The following FBXO16 variants were observed in gnomAD, a reference collection of about 807,000 sequenced individuals.
The protein encoded by FBXO16 is F-box only protein 16.
Under a neutral mutation model 41.0 loss-of-function variants are expected in FBXO16, and 31 were observed. The observed-to-expected ratio is 0.76, with a 90% CI of 0.57 to 1.02. FBXO16 has a LOEUF of 1.02. Ranked by LOEUF, FBXO16 falls within the 50% of genes least tolerant of loss-of-function variation. FBXO16 has a pLI of 0.00. For synonymous variants in FBXO16, 133 were observed against 117.8 expected, an observed-to-expected ratio of 1.13 and a Z score of -0.84; for missense variants, 361 against 346.2, an observed-to-expected ratio of 1.04 and a Z score of -0.34.
At chr8:28,472,548 C>G (rs1157115591) in intron 3 of FBXO16, among the ~76,000 whole-genome samples, 1 of 152,108 alleles carries the variant, frequency 6.6e-6, no homozygotes, top group African/African-American at 2.4e-5. Flanking sequence ...CAAGACCAGC[C>G]TGGCCAACAT....
intron 6 of FBXO16, among the ~76,000 whole-genome samples, chr8:28,451,749 G>C (rs948418758): frequency 3.3e-5 from 5 of 151,960 alleles, no homozygotes; most frequent in African/African-American, 1.2e-4. Flanking sequence ...TTAGGAGGCC[G>C]AGGCATGTGG....
At chr8:28,478,444 C>T (rs977627649) in intron 2 of FBXO16, among the ~76,000 whole-genome samples, 2 of 152,228 alleles carry the variant, frequency 1.3e-5, no homozygotes, top group South Asian at 4.1e-4. Flanking sequence ...AGTATAAAAA[C>T]CAGACCCTCT....
At chr8:28,446,481 C>A (rs910984585) in intron 7 of FBXO16, among the ~76,000 whole-genome samples, 21 of 151,604 alleles carry the variant, frequency 1.4e-4, no homozygotes, top group Non-Finnish European at 2.9e-4. Context: ...CCTAAATGCA[C>A]TTAGATGAGG....
At chr8:28,489,525 CA>C (rs3049787) in intron 1 of FBXO16, among the ~76,000 whole-genome samples, 4,077 of 128,082 alleles carry the variant, frequency 0.032, 127 homozygotes, top group East Asian at 0.15. Flanking sequence ...CCTATCTCTA[CA>C]AAAAAAAAAA....
At chr8:28,451,810 CCT>C (rs1802958052) in intron 6 of FBXO16, among the ~76,000 whole-genome samples, 1 of 151,902 alleles carries the variant, frequency 6.6e-6, no homozygotes, top group Admixed American at 6.6e-5. Context: ...TGGTGAAACC[CCT>C]GTCTCTACTA....
chr8:28,451,909 G>A (rs1386861039), intron 6 of FBXO16, among the ~76,000 whole-genome samples: 1 of 151,566 alleles, frequency 6.6e-6, no homozygotes, highest in Non-Finnish European at 1.5e-5. Context: ...GCTTGAACCC[G>A]GGAGGTGGAG....
rs569566684 is a variant in FBXO16 at position 28,460,415 on chromosome 8, C to T, written c.342+3197G>A. ...TGGGACTCTAGGCACATGCGCTATA[C>T]CTGGCTAATTTTTTTTTTTTTTTTT... On this transcript the variant is annotated intron_variant, in intron 4 of 8. Coordinates refer to ENST00000380254, the MANE Select transcript of FBXO16 (RefSeq NM_172366.4). 3.1e-3 allele frequency among the ~76,000 whole-genome samples: 354 copies of T among 112,902 alleles called. 2 individuals are homozygous for T. The highest frequency in any genetic ancestry group is 4.7e-3 in the Non-Finnish European group (272 of 58,072). 74.1% of individuals were successfully genotyped at this position (112,902 alleles called of 152,430 possible). A position where few individuals can be genotyped will look rare whatever the true frequency, so the allele number is the denominator to read the frequency against.
At chr8:28,449,315 CT>C (rs59021779) in intron 6 of FBXO16, among the ~76,000 whole-genome samples, 5,079 of 94,846 alleles carry the variant, frequency 0.054, 96 homozygotes, top group Admixed American at 0.086. Flanking sequence ...ATGTAGACTT[CT>C]TTTTTTTTTT....
chr8:28,481,549 C>T (rs569902227), intron 2 of FBXO16, among the ~76,000 whole-genome samples: 1 of 151,360 alleles, frequency 6.6e-6, no homozygotes, highest in South Asian at 2.1e-4. Flanking sequence ...CGGTGGCTCA[C>T]GCCTGTAATC....
At chr8:28,446,789 T>C (rs1802870976) in intron 7 of FBXO16, among the ~76,000 whole-genome samples, 1 of 151,992 alleles carries the variant, frequency 6.6e-6, no homozygotes. Context: ...GAGAATCACT[T>C]GAACCCCAGG....
intron 7 of FBXO16, among the ~76,000 whole-genome samples, chr8:28,440,953 A>G: frequency 6.6e-6 from 1 of 152,210 alleles, no homozygotes; most frequent in African/African-American, 2.4e-5. Flanking sequence ...CCTTAGCCCA[A>G]TTCCAGGGCC....
intron 6 of FBXO16, among the ~76,000 whole-genome samples, chr8:28,449,917 A>C (rs1046602720): frequency 6.7e-6 from 1 of 148,812 alleles, no homozygotes; most frequent in African/African-American, 2.5e-5. Flanking sequence ...GGTTGCAGTG[A>C]GCCGAGATCA....
chr8:28,431,580 C>T (rs1304577408), intron 7 of FBXO16, among the ~76,000 whole-genome samples: 1 of 152,162 alleles, frequency 6.6e-6, no homozygotes, highest in Admixed American at 6.5e-5. Context: ...GAATCCACCC[C>T]CACCTTCTTC....
chr8:28,470,378 G>A (rs565010116), intron 3 of FBXO16, among the ~76,000 whole-genome samples: 35 of 152,158 alleles, frequency 2.3e-4, no homozygotes, highest in Admixed American at 9.8e-4. Flanking sequence ...TTTCCAATAG[G>A]AAGAAAGAAA....
At chr8:28,441,779 C>T (rs1164556519) in intron 7 of FBXO16, among the ~76,000 whole-genome samples, 1 of 148,544 alleles carries the variant, frequency 6.7e-6, no homozygotes, top group Non-Finnish European at 1.5e-5. Flanking sequence ...TATGTCTTTA[C>T]ACAAGGTTGA....
At chr8:28,432,537 C>T (rs1340133136) in intron 7 of FBXO16, among the ~76,000 whole-genome samples, 2 of 152,104 alleles carry the variant, frequency 1.3e-5, no homozygotes, top group Non-Finnish European at 2.9e-5. Context: ...ACAGGAAGAA[C>T]TTCCCTAGTC....
chr8:28,474,114 G>C (rs1803380043), intron 2 of FBXO16, among the ~76,000 whole-genome samples: 2 of 151,794 alleles, frequency 1.3e-5, no homozygotes. Flanking sequence ...ATTTGAGCTA[G>C]GGAGTTTAAA....
intron 2 of FBXO16, among the ~76,000 whole-genome samples, chr8:28,482,644 C>T (rs964942927): frequency 6.6e-6 from 1 of 152,088 alleles, no homozygotes; most frequent in African/African-American, 2.4e-5. Flanking sequence ...GATCTTGGCT[C>T]ACTGCAACCT....
chr8:28,474,077 A>C (rs1227380255), intron 2 of FBXO16, among the ~76,000 whole-genome samples: 5 of 152,092 alleles, frequency 3.3e-5, no homozygotes, highest in African/African-American at 1.2e-4. Context: ...TAATCCCAGC[A>C]CTTTGGGAGG....
Sources: allele counts gnomAD v4.1 joint callset (sites outside exome capture counted in the v4.1 genomes callset), GRCh38; gene constraint gnomAD v4.1.1; transcripts MANE v1.5; gene names NCBI Gene and HGNC (gene_info 2026-07-23, HGNC 2026-07-21).